Variants in SDR16C5 observed in about 807,000 individuals in gnomAD.
SDR16C5 encodes the protein epidermal retinol dehydrogenase 2.
A neutral mutation model predicts 27.7 loss-of-function variants in SDR16C5; 20 were observed. The observed-to-expected ratio is 0.72, with a 90% CI of 0.51 to 1.05. The LOEUF is 1.05. Among genes scored for constraint, SDR16C5 ranks in the 50% least tolerant of loss-of-function variants. SDR16C5 has a pLI of 0.00. For synonymous variants in SDR16C5, 139 were observed against 132.3 expected (o/e 1.05, Z -0.35); for missense variants, 374 against 366.3 (o/e 1.02, Z -0.17).
At chr8:56,315,834 T>A (rs992769417) in intron 2 of SDR16C5, among the ~76,000 whole-genome samples, 181 bp downstream of exon 2, 2 of 152,182 alleles carry the variant, frequency 1.3e-5, no homozygotes. Context: ...TTATAATACA[T>A]ACATGGTAGT....
At chr8:56,314,390 T>C (rs1211462533) in intron 2 of SDR16C5, among the ~76,000 whole-genome samples, 2 of 152,202 alleles carry the variant, frequency 1.3e-5, no homozygotes, top group African/African-American at 2.4e-5. Context: ...TGGCTGTTTC[T>C]GAAGTCAAGC....
At chr8:56,303,823 G>A in intron 6 of SDR16C5, 2 of 608,438 alleles carry the variant, frequency 3.3e-6, no homozygotes, top group Non-Finnish European at 2.9e-6. Flanking sequence ...CATCTATTAA[G>A]CAAAAAGAAC....
chr8:56,317,979 C>G (rs1400976894), intron 1 of SDR16C5, among the ~76,000 whole-genome samples: 1 of 152,040 alleles, frequency 6.6e-6, no homozygotes, highest in African/African-American at 2.4e-5. Context: ...TCGTTATAAG[C>G]CATAGTGTTA....
rs1160787618 is a variant in SDR16C5, at chr8:56,300,504, T to C, written c.*976A>G. On this transcript the variant is annotated 3_prime_UTR_variant, in exon 7 of 7. Coordinates refer to ENST00000303749, the MANE Select transcript of SDR16C5 (RefSeq NM_138969.4). Reference sequence around the variant, plus strand: ...TAACATATTTTTCTTAATCTTGCTTTTATAGTTAATCTCCAAAGCATGAAA... The same window carrying C: ...TAACATATTTTTCTTAATCTTGCTTCTATAGTTAATCTCCAAAGCATGAAA... The C allele has an allele frequency of 1.3e-5, 2 of 152,206 alleles. No homozygotes were observed. The highest frequency in any genetic ancestry group is 2.9e-5 in the Non-Finnish European group (2 of 68,050). 9.4% of individuals were successfully genotyped at this position (152,206 alleles called of 1,614,324 possible). A position where few individuals can be genotyped will look rare whatever the true frequency, so the allele number is the denominator to read the frequency against.
At chr8:56,310,520 C>T (rs192178601) in intron 3 of SDR16C5, among the ~76,000 whole-genome samples, 1 of 151,600 alleles carries the variant, frequency 6.6e-6, no homozygotes, top group Non-Finnish European at 1.5e-5. Context: ...GAGATGGAGA[C>T]CAGCCTGGCC....
At chr8:56,306,043 G>C (rs929255054) in intron 5 of SDR16C5, among the ~76,000 whole-genome samples, 8 of 152,200 alleles carry the variant, frequency 5.3e-5, no homozygotes, top group Non-Finnish European at 4.4e-5. Context: ...GTCTCCATGA[G>C]ATACAGAATT....
chr8:56,308,121 T>C (rs1052895216), intron 4 of SDR16C5, among the ~76,000 whole-genome samples: 2 of 152,184 alleles, frequency 1.3e-5, no homozygotes, highest in African/African-American at 4.8e-5. Flanking sequence ...ATTCATGTAA[T>C]AGATATACTG....
At chr8:56,312,881 A>G (rs2129260858) in intron 2 of SDR16C5, among the ~76,000 whole-genome samples, 1 of 148,366 alleles carries the variant, frequency 6.7e-6, no homozygotes, top group Admixed American at 6.7e-5. Flanking sequence ...GGTTCCCACC[A>G]TTCTCCCGCC....
chr8:56,305,673 T>C lies in SDR16C5; in HGVS notation c.760A>G (p.Ile254Val), dbSNP rs1814863685. Residue 254 changes from isoleucine (I) to valine (V), a missense_variant, in exon 6 of 7, where the codon ATA becomes GTA. Physicochemically the swap from Ile to Val is conservative, Grantham distance 29. Coordinates refer to ENST00000303749, the MANE Select transcript of SDR16C5 (RefSeq NM_138969.4). ...TTTTCTTGTAGAATAGCTTCTACTA[T>C]TTTTTCAACTGCATATTTTGGTTCC... ...ILEPKYAVEK[I>V]VEAILQEKMY... 1 of 1,604,332 alleles carries C rather than the reference T, an allele frequency of 6.2e-7. No individual in the cohort carries two copies. Among genetic ancestry groups the C allele is most frequent in the Non-Finnish European group, 8.5e-7 (1 of 1,177,254 alleles).
At chr8:56,304,140 T>A (rs2129256949) in intron 6 of SDR16C5, 1 of 689,894 alleles carries the variant, frequency 1.4e-6, no homozygotes, top group Admixed American at 2.1e-5. Context: ...AAAGTAGATA[T>A]AATTAGCTAA....
chr8:56,316,301 C>T lies in SDR16C5; in HGVS notation c.47G>A (p.Gly16Glu). Reference protein sequence around the residue: ...QSSKKLFIFLGKSLFSLLEAM... With the variant: ...QSSKKLFIFLEKSLFSLLEAM... ...CTCCAGAAGACTAAACAGTGATTTTCCTAAGAAAATGAACAGTTTCTTTGA... is the reference window on the plus strand; with the variant it reads ...CTCCAGAAGACTAAACAGTGATTTTTCTAAGAAAATGAACAGTTTCTTTGA... Residue 16 changes from glycine (G) to glutamate (E), a missense_variant, in exon 2 of 7, where the codon GGA (glycine) becomes GAA (glutamate). Coordinates refer to ENST00000303749, the MANE Select transcript of SDR16C5 (RefSeq NM_138969.4). The T allele has an allele frequency of 6.2e-7, 1 of 1,614,062 alleles. No individual in the cohort carries two copies.
intron 4 of SDR16C5, 56 bp downstream of exon 4, chr8:56,308,872 G>A: frequency 8.4e-7 from 1 of 1,191,712 alleles, no homozygotes; most frequent in Non-Finnish European, 1.2e-6. Flanking sequence ...CAGAGCTATT[G>A]TGTAAGTTAA....
Position 56,301,317 on chromosome 8 carries a change from A to T in SDR16C5, c.*163T>A. 1 of 577,102 alleles carries T rather than the reference A, an allele frequency of 1.7e-6. No homozygotes were observed. The highest frequency in any genetic ancestry group is 3.1e-6 in the Non-Finnish European group (1 of 320,686). 35.7% of individuals were successfully genotyped at this position (577,102 alleles called of 1,614,324 possible). A position where few individuals can be genotyped will look rare whatever the true frequency, so the allele number is the denominator to read the frequency against. ...CAACCAAATAGGTGATAGCAACATTATTTTCAAACACATTGATTGAAAATT... is the reference window on the plus strand; with the variant it reads ...CAACCAAATAGGTGATAGCAACATTTTTTTCAAACACATTGATTGAAAATT... On this transcript the variant is annotated 3_prime_UTR_variant, in exon 7 of 7. Transcript: ENST00000303749.
rs7004319 is a variant in SDR16C5, at chr8:56,312,875, C to T, written c.334-587G>A. On this transcript the variant is annotated intron_variant, in intron 2 of 6. Transcript: ENST00000303749. ...CACTGCAAGCTCCGCCTCCTGGGTT[C>T]CCACCATTCTCCCGCCTCAGCCTCC... Among the ~76,000 whole-genome samples, 664 of 150,896 alleles carry T rather than the reference C, an allele frequency of 4.4e-3. 2 individuals are homozygous for T. Among genetic ancestry groups the T allele is most frequent in the African/African-American group, 0.015 (635 of 41,064 alleles).
intron 1 of SDR16C5, among the ~76,000 whole-genome samples, chr8:56,317,848 T>C (rs1330662538): frequency 6.6e-6 from 1 of 152,144 alleles, no homozygotes; most frequent in East Asian, 1.9e-4. Context: ...GTTTATTGAG[T>C]ATCCACCCTG....
intron 2 of SDR16C5, 77 bp from the exon 3 acceptor site, chr8:56,312,365 G>T (rs1815067106): frequency 2.2e-6 from 3 of 1,349,316 alleles, no homozygotes; most frequent in Admixed American, 3.6e-5. Flanking sequence ...AGAGTTTTAT[G>T]TTTTTTTTAT....
intron 6 of SDR16C5, chr8:56,303,909 C>T (rs1814819963): frequency 2.9e-6 from 2 of 699,908 alleles, no homozygotes; most frequent in Non-Finnish European, 5.2e-6. Context: ...CAAACATTGT[C>T]TCTACAATGT....
At chr8:56,305,566 T>G (rs771078455) in intron 6 of SDR16C5, 31 bp downstream of exon 6, 15 of 1,545,246 alleles carry the variant, frequency 9.7e-6, no homozygotes, top group Non-Finnish European at 1.0e-5. Flanking sequence ...GACTGGCATG[T>G]TAGGGAAGTA....
intron 4 of SDR16C5, 66 bp from the exon 5 acceptor site, chr8:56,306,886 C>T: frequency 7.2e-7 from 1 of 1,383,434 alleles, no homozygotes. Context: ...TTAAGGTTTA[C>T]CCATAACGCT....
Sources: gnomAD v4.1 joint callset for allele counts (sites outside exome capture counted in the v4.1 genomes callset) on GRCh38, gnomAD v4.1.1 for gene constraint, MANE v1.5 for transcripts, NCBI Gene and HGNC (gene_info 2026-07-23, HGNC 2026-07-21) for gene names.